The following CATSPER3 variants were observed in gnomAD, a reference collection of about 807,000 sequenced individuals.
CATSPER3 encodes the protein cation channel sperm-associated protein 3.
CATSPER3 carries 23 observed loss-of-function variants against 36.6 expected under a neutral mutation model. That is an observed-to-expected ratio of 0.63 (90% CI 0.45 to 0.89). The LOEUF is 0.89. Among genes scored for constraint, CATSPER3 ranks in the 40% least tolerant of loss-of-function variants. The pLI, the probability that CATSPER3 is intolerant of heterozygous loss-of-function variation, is 0.00. For synonymous variants in CATSPER3, 172 were observed against 184.1 expected (o/e 0.93, Z 0.53); for missense variants, 474 against 503.9 (o/e 0.94, Z 0.57).
intron 2 of CATSPER3, among the ~76,000 whole-genome samples, chr5:134,993,452 A>G: frequency 6.6e-6 from 1 of 152,226 alleles, no homozygotes; most frequent in East Asian, 1.9e-4. Flanking sequence ...GTTAAAAATG[A>G]TAGTATCAAC....
intron 2 of CATSPER3, among the ~76,000 whole-genome samples, chr5:134,982,055 G>C (rs1322711205): frequency 6.6e-6 from 1 of 152,194 alleles, no homozygotes; most frequent in African/African-American, 2.4e-5. Flanking sequence ...CCTGAACCCA[G>C]GAGACGGAGG....
At chr5:134,984,856 C>T (rs922091524) in intron 2 of CATSPER3, among the ~76,000 whole-genome samples, 3 of 149,614 alleles carry the variant, frequency 2.0e-5, no homozygotes, top group Non-Finnish European at 2.9e-5. Context: ...GGCTCTGTTG[C>T]CCAGACTGGA....
chr5:135,004,703 G>A (rs1752063614), intron 3 of CATSPER3, among the ~76,000 whole-genome samples: 1 of 152,166 alleles, frequency 6.6e-6, no homozygotes, highest in South Asian at 2.1e-4. Context: ...AGGTCCCCAG[G>A]CTGACAGCAG....
At chr5:134,985,610 C>T (rs1751798894) in intron 2 of CATSPER3, among the ~76,000 whole-genome samples, 1 of 152,074 alleles carries the variant, frequency 6.6e-6, no homozygotes, top group South Asian at 2.1e-4. Context: ...ATGTGTACCC[C>T]TAAAAGTATT....
At chr5:135,006,680 A>AC (rs987971746) in intron 3 of CATSPER3, among the ~76,000 whole-genome samples, 2 of 149,410 alleles carry the variant, frequency 1.3e-5, no homozygotes, top group African/African-American at 5.0e-5. Context: ...CTAAAAATAC[A>AC]AAAAAAAATT....
At chr5:134,986,683 G>C (rs1404753127) in intron 2 of CATSPER3, among the ~76,000 whole-genome samples, 1 of 151,788 alleles carries the variant, frequency 6.6e-6, no homozygotes, top group South Asian at 2.1e-4. Context: ...GGCTGGTCTC[G>C]AACTCCTGAC....
At chr5:135,009,768 A>G (rs926812449) in intron 6 of CATSPER3, among the ~76,000 whole-genome samples, 5 of 152,196 alleles carry the variant, frequency 3.3e-5, no homozygotes, top group Non-Finnish European at 7.3e-5. Context: ...CTTTGGGGCC[A>G]GGCAATCTGT....
In CATSPER3 at chr5:135,011,690, T is replaced by C. The variant is rs1752182525; in HGVS notation, c.*67T>C. ...TGACAGGTCCCTATTAAACACAGGC[T>C]TTCTGAGTTGTCCTCTCCAGAGTTG... On this transcript the variant is annotated 3_prime_UTR_variant, in exon 8 of 8. Transcript: ENST00000282611. 1.4e-5 allele frequency: 15 copies of C among 1,090,334 alleles called. No homozygotes were observed. Among genetic ancestry groups the C allele is most frequent in the Non-Finnish European group, 2.1e-5 (15 of 718,082 alleles). The allele number at this position is 1,090,334 out of a possible 1,614,324, so 67.5% of individuals were successfully genotyped here.
intron 3 of CATSPER3, among the ~76,000 whole-genome samples, chr5:135,005,338 T>G (rs2149552872): frequency 6.6e-6 from 1 of 152,280 alleles, no homozygotes; most frequent in South Asian, 2.1e-4. Context: ...CACACACGCA[T>G]GCACCACAGG....
intron 2 of CATSPER3, among the ~76,000 whole-genome samples, chr5:134,986,493 GCT>G (rs1751811924): frequency 1.1e-5 from 1 of 89,574 alleles, no homozygotes; most frequent in South Asian, 3.7e-4. Flanking sequence ...ATGAAGTCTT[GCT>G]CTGTCTCCCA....
At chr5:135,001,909 T>C (rs1190580659) in intron 3 of CATSPER3, among the ~76,000 whole-genome samples, 1 of 152,256 alleles carries the variant, frequency 6.6e-6, no homozygotes, top group Non-Finnish European at 1.5e-5. Context: ...GTCTTGACTC[T>C]TTATCCAATT....
chr5:134,970,059 T>C lies in CATSPER3; in HGVS notation c.219T>C (p.Tyr73=), dbSNP rs1751583113. ...NAFFMALWTS[Y]DIRYRLFRLL... Reference sequence around the variant, plus strand: ...TTTTTATGGCCTTGTGGACCAGTTATGACATAAGGTACCGCTTGTTCAGAC... The same window carrying C: ...TTTTTATGGCCTTGTGGACCAGTTACGACATAAGGTACCGCTTGTTCAGAC... Residue 73 remains tyrosine, a synonymous_variant, in exon 2 of 8, where the codon TAT becomes TAC. Coordinates refer to ENST00000282611, the MANE Select transcript of CATSPER3 (RefSeq NM_178019.3). 1 of 1,614,168 alleles carries C rather than the reference T, an allele frequency of 6.2e-7. No homozygotes were observed. The highest frequency in any genetic ancestry group is 1.7e-5 in the Admixed American group (1 of 60,024).
chr5:134,981,749 A>T (rs1751755046), intron 2 of CATSPER3, among the ~76,000 whole-genome samples: 1 of 152,240 alleles, frequency 6.6e-6, no homozygotes, highest in African/African-American at 2.4e-5. Flanking sequence ...AATCAAAGAA[A>T]CAAAAATGTC....
intron 2 of CATSPER3, among the ~76,000 whole-genome samples, chr5:134,980,317 A>C: frequency 2.9e-5 from 4 of 138,114 alleles, no homozygotes; most frequent in African/African-American, 8.2e-5. Context: ...CCTCTCCTTT[A>C]TTCTCCTTTC....
rs1751703965 is a variant in CATSPER3 at position 134,978,376 on chromosome 5, C to T, written c.252+8284C>T. On this transcript the variant is annotated intron_variant, in intron 2 of 7. Transcript: ENST00000282611. ...TGCTGATTACCCTGATTTGACATTA[C>T]ACATTGTATATATGTCTTGAAATAT... Among the ~76,000 whole-genome samples the T allele has an allele frequency of 2.0e-5, 3 of 152,290 alleles. No individual in the cohort carries two copies. In the South Asian group the frequency reaches 6.2e-4, roughly 32 times the overall value.
chr5:134,985,662 A>G (rs1356805084), intron 2 of CATSPER3, among the ~76,000 whole-genome samples: 2 of 152,044 alleles, frequency 1.3e-5, no homozygotes, highest in African/African-American at 4.8e-5. Context: ...CAATCCCAGC[A>G]CTTTGGAAGG....
At chr5:134,985,296 G>A (rs1751795228) in intron 2 of CATSPER3, among the ~76,000 whole-genome samples, 1 of 152,132 alleles carries the variant, frequency 6.6e-6, no homozygotes, top group Admixed American at 6.6e-5. Flanking sequence ...TGGAATTGGA[G>A]GGTATTATTC....
chr5:135,011,430 G>T (rs1011936358), intron 7 of CATSPER3, 91 bp from the exon 8 acceptor site: 3 of 851,578 alleles, frequency 3.5e-6, no homozygotes, highest in African/African-American at 3.4e-5. Context: ...CCCTACACCT[G>T]TGCAGGTGCA....
At chr5:134,997,537 C>T (rs775276550) in intron 3 of CATSPER3, among the ~76,000 whole-genome samples, 6 of 152,212 alleles carry the variant, frequency 3.9e-5, no homozygotes, top group Non-Finnish European at 7.4e-5. Context: ...TATCTAGCCT[C>T]TCTGAAGTTG....
Sources: gnomAD v4.1 joint callset for allele counts (sites outside exome capture counted in the v4.1 genomes callset) on GRCh38, gnomAD v4.1.1 for gene constraint, MANE v1.5 for transcripts, NCBI Gene and HGNC (gene_info 2026-07-23, HGNC 2026-07-21) for gene names.